CRAMP1: variants seen among roughly 807,000 people sequenced by gnomAD.
CRAMP1 encodes cramped chromatin regulator 1.
CRAMP1 carries 50 observed loss-of-function variants against 115.4 expected under a neutral mutation model. That is an observed-to-expected ratio of 0.43 (90% CI 0.35 to 0.55). The LOEUF is 0.55. Among genes scored for constraint, CRAMP1 ranks in the 20% least tolerant of loss-of-function variants. The probability of loss-of-function intolerance (pLI) is 0.01; values close to 1 mark genes in which losing one functional copy is unlikely to be tolerated. For synonymous variants in CRAMP1, 866 were observed against 745.4 expected (o/e 1.16, Z -2.64); for missense variants, 1,679 against 1,721.7 (o/e 0.98, Z 0.44).
chr16:1,667,993 C>G lies in CRAMP1; in HGVS notation c.3134C>G (p.Pro1045Arg). The change falls in exon 18 of 21, where the codon CCC becomes CGC. Residue 1045 changes from proline to arginine, a missense_variant. Physicochemically the swap from Pro to Arg is moderately radical, Grantham distance 103. Transcript: ENST00000397412. ...GSSVLSLSEL[P>R]KAPLQNGLSI... ...TCTGTTCTCTCCTTATCTGAGCTGC[C>G]CAAGGCCCCTCTCCAGAATGGCCTC... 1 of 1,613,036 alleles carries G rather than the reference C, an allele frequency of 6.2e-7. No homozygotes were observed. Among genetic ancestry groups the G allele is most frequent in the Non-Finnish European group, 8.5e-7 (1 of 1,179,510 alleles).
intron 19 of CRAMP1, among the ~76,000 whole-genome samples, chr16:1,670,158 C>T (rs1391461277): frequency 2.0e-5 from 3 of 151,512 alleles, no homozygotes; most frequent in Non-Finnish European, 4.4e-5. Context: ...CCCAGCAACT[C>T]GGGAGGCTGA....
chr16:1,626,352 T>C (rs1004573571), intron 3 of CRAMP1, among the ~76,000 whole-genome samples, 186 bp downstream of exon 3: 2 of 152,202 alleles, frequency 1.3e-5, no homozygotes, highest in East Asian at 3.9e-4. Context: ...TATCTCCTCA[T>C]TGAGATTTTA....
chr16:1,651,481 G>C (rs1234320736), intron 6 of CRAMP1, among the ~76,000 whole-genome samples: 5 of 149,356 alleles, frequency 3.3e-5, no homozygotes, highest in Non-Finnish European at 7.4e-5. Context: ...TCACACACAG[G>C]TCATCTAGAG....
intron 2 of CRAMP1, among the ~76,000 whole-genome samples, chr16:1,622,533 C>G (rs565999072): frequency 6.6e-6 from 1 of 152,272 alleles, no homozygotes; most frequent in South Asian, 2.1e-4. Context: ...AAAAGCACTC[C>G]AAGTCTAGAA....
intron 11 of CRAMP1, among the ~76,000 whole-genome samples, chr16:1,661,790 C>T (rs369788107): frequency 1.3e-5 from 2 of 151,988 alleles, no homozygotes; most frequent in African/African-American, 2.4e-5. Flanking sequence ...GACAGGGTTT[C>T]GCTATGTTGG....
At chr16:1,667,285 G>C (rs2142207510) in intron 16 of CRAMP1, 50 bp from the exon 17 acceptor site, 1 of 1,487,086 alleles carries the variant, frequency 6.7e-7, no homozygotes, top group African/African-American at 1.4e-5. Context: ...GAGGGTATGG[G>C]TGGCATCTGG....
chr16:1,614,761 A>G lies in CRAMP1; in HGVS notation c.122A>G (p.Glu41Gly). 1 of 1,365,466 alleles carries G rather than the reference A, an allele frequency of 7.3e-7. No individual in the cohort carries two copies. The highest frequency in any genetic ancestry group is 9.5e-7 in the Non-Finnish European group (1 of 1,047,474). The allele number at this position is 1,365,466 out of a possible 1,614,324, so 84.6% of individuals were successfully genotyped here. A position where few individuals can be genotyped will look rare whatever the true frequency, so the allele number is the denominator to read the frequency against. Residue 41 changes from glutamate to glycine, a missense_variant, in exon 2 of 21, where the codon GAG (glutamate) becomes GGG (glycine). Physicochemically the swap from Glu to Gly is moderately conservative, Grantham distance 98. Coordinates refer to ENST00000397412, the MANE Select transcript of CRAMP1 (RefSeq NM_020825.4). This position sits in a 1 kb window ranked among gnomAD's most constrained non-coding sequence, Gnocchi z 4.4. ...EGAGGADAAE[E>G]SSGTKRDEKT... ...GCCGGCGGCGCAGACGCGGCCGAGG[A>G]GAGCAGCGGCACAAAGAGGGACGAG... is the stretch of plus-strand genomic sequence containing the variant.
At chr16:1,668,301 T>C (rs903292269) in intron 18 of CRAMP1, 108 bp downstream of exon 18, 2 of 880,062 alleles carry the variant, frequency 2.3e-6, no homozygotes, top group African/African-American at 1.6e-5. Context: ...TTTTTACGAA[T>C]TGAAAACCTG....
chr16:1,634,291 A>G (rs541659508), intron 4 of CRAMP1, among the ~76,000 whole-genome samples: 10 of 152,348 alleles, frequency 6.6e-5, no homozygotes, highest in African/African-American at 2.4e-4. Context: ...TGAGGTTCAA[A>G]TGCACATTCT....
rs79999346 is a variant in CRAMP1, at chr16:1,630,163, T to G, written c.541-2049T>G. Among the ~76,000 whole-genome samples the G allele has an allele frequency of 2.9e-3, 444 of 152,320 alleles. 2 individuals carry two copies. The highest frequency in any genetic ancestry group is 9.3e-3 in the African/African-American group (387 of 41,574). On this transcript the variant is annotated intron_variant, in intron 3 of 20. Transcript: ENST00000397412. ...TTTTTTTGATTTAAAAAACATCTTT[T>G]TTTGAGAGTCAGTCTTGCTTTGTCA...
intron 6 of CRAMP1, among the ~76,000 whole-genome samples, chr16:1,648,570 A>C (rs2036696051): frequency 6.6e-6 from 1 of 151,096 alleles, no homozygotes; most frequent in Non-Finnish European, 1.5e-5. Flanking sequence ...GCACCGCTGC[A>C]CTCCAGGCTG....
intron 4 of CRAMP1, among the ~76,000 whole-genome samples, chr16:1,633,994 C>T (rs866080006): frequency 5.9e-5 from 9 of 151,644 alleles, no homozygotes; most frequent in Middle Eastern, 3.4e-3. Flanking sequence ...CACCACTGCA[C>T]TCCAGCTTGG....
In CRAMP1 at chr16:1,656,524, C is replaced by T. The variant is rs113314538; in HGVS notation, c.1767C>T (p.Pro589=). 146 of 1,561,304 alleles carry T rather than the reference C, an allele frequency of 9.4e-5. 1 individual carries two copies. In the African/African-American group the frequency reaches 1.7e-3, roughly 18 times the overall value. ...ACACACGGCCTGGGAGCGAGCAGCCCCCTCTGGGCGGGGCGGCCTCCCCAG... is the reference window on the plus strand; with the variant it reads ...ACACACGGCCTGGGAGCGAGCAGCCTCCTCTGGGCGGGGCGGCCTCCCCAG... The part of the protein sequence containing the change: ...CADTRPGSEQ[P]PLGGAASPEV... The change falls in exon 10 of 21, where the codon CCC becomes CCT. Residue 589 remains proline (P), a synonymous_variant. Transcript: ENST00000397412. This position sits in a 1 kb window ranked among gnomAD's most constrained non-coding sequence, Gnocchi z 5.6.
In CRAMP1 at chr16:1,666,114, G is replaced by A; in HGVS notation, c.2794G>A (p.Ala932Thr). 6.2e-7 allele frequency: 1 copy of A among 1,612,640 alleles called. No individual in the cohort carries two copies. The highest frequency in any genetic ancestry group is 8.5e-7 in the Non-Finnish European group (1 of 1,179,416). ...GCCCATCCAGTCTTCTCTGACCAAA[G>A]CAGCTCTGTCTCGGCCGATCGTGCC... ...FRPIQSSLTK[A>T]ALSRPIVPKV... Residue 932 changes from alanine to threonine, a missense_variant, in exon 15 of 21, where the codon GCA becomes ACA. By Grantham distance (58) the Ala-to-Thr change is moderately conservative. This residue lies in a region of CRAMP1 where 709 missense variants were observed against 741.9 expected (regional missense o/e 0.96). Transcript: ENST00000397412. The surrounding 1 kb of genome is among the most constrained non-coding windows in gnomAD (Gnocchi z 5.0).
At chr16:1,620,619 T>C in intron 2 of CRAMP1, 1 of 457,026 alleles carries the variant, frequency 2.2e-6, no homozygotes, top group Admixed American at 2.3e-5. Context: ...GGCTTCTGCG[T>C]CTGACCTCTC....
Position 1,656,505 on chromosome 16 carries a change from G to C in CRAMP1, c.1748G>C (p.Arg583Pro). 1 of 1,568,628 alleles carries C rather than the reference G, an allele frequency of 6.4e-7. No homozygotes were observed. The highest frequency in any genetic ancestry group is 8.6e-7 in the Non-Finnish European group (1 of 1,157,586). Residue 583 changes from arginine to proline, a missense_variant, in exon 10 of 21, where the codon CGG becomes CCG. Physicochemically the swap from Arg to Pro is moderately radical, Grantham distance 103 (BLOSUM62 -2). Around this residue, in one of 8 missense-constraint regions of CRAMP1, gnomAD observed 405 missense variants for 302.6 expected, o/e 1.34. Transcript: ENST00000397412. This position sits in a 1 kb window ranked among gnomAD's most constrained non-coding sequence, Gnocchi z 5.6. ...GAGCAGTGCCGCTGTGCGGACACACGGCCTGGGAGCGAGCAGCCCCCTCTG... is the reference window on the plus strand; with the variant it reads ...GAGCAGTGCCGCTGTGCGGACACACCGCCTGGGAGCGAGCAGCCCCCTCTG... ...VPEQCRCADTRPGSEQPPLGG... is the reference protein window; with the variant it reads ...VPEQCRCADTPPGSEQPPLGG...
At chr16:1,643,877 C>T (rs1321023783) in intron 6 of CRAMP1, among the ~76,000 whole-genome samples, 3 of 152,256 alleles carry the variant, frequency 2.0e-5, no homozygotes, top group Non-Finnish European at 4.4e-5. Context: ...TGCTGTGCTC[C>T]TGCAGTGGAG....
At position 1,614,410 on chromosome 16, in the gene CRAMP1, G is replaced by A. The variant is rs1318367478; in HGVS notation, c.-1-229G>A. On this transcript the variant is annotated intron_variant, in intron 1 of 20. Coordinates refer to ENST00000397412, the MANE Select transcript of CRAMP1 (RefSeq NM_020825.4). The surrounding 1 kb of genome is among the most constrained non-coding windows in gnomAD (Gnocchi z 4.4). ...GTCTGGACGCGAGCCTCGGCCAGGG[G>A]GCGTCCGGGGAGGCCCGGGAGGGTC... 6.9e-6 allele frequency among the ~76,000 whole-genome samples: 1 copy of A among 145,308 alleles called. No homozygotes were observed. The highest frequency in any genetic ancestry group is 1.5e-5 in the Non-Finnish European group (1 of 65,286).
In CRAMP1 at chr16:1,669,487, C is replaced by A. The variant is rs1421168662; in HGVS notation, c.3499+322C>A. 6.6e-6 allele frequency among the ~76,000 whole-genome samples: 1 copy of A among 152,168 alleles called. No individual in the cohort carries two copies. The highest frequency in any genetic ancestry group is 1.5e-5 in the Non-Finnish European group (1 of 68,040). On this transcript the variant is annotated intron_variant, in intron 19 of 20. Coordinates refer to ENST00000397412, the MANE Select transcript of CRAMP1 (RefSeq NM_020825.4). This position sits in a 1 kb window ranked among gnomAD's most constrained non-coding sequence, Gnocchi z 4.6. Reference sequence around the variant, plus strand: ...TCCCAGTCTGTTCAGCTAGCCCGGCCCCTCCCGACTGGGTTCTCTTGAGGG... The same window carrying A: ...TCCCAGTCTGTTCAGCTAGCCCGGCACCTCCCGACTGGGTTCTCTTGAGGG...
Sources: gnomAD v4.1 joint callset for allele counts (sites outside exome capture counted in the v4.1 genomes callset) on GRCh38, gnomAD v4.1.1 for gene constraint, gnomAD v4.1.1 regional missense constraint, Gnocchi (gnomAD v3.1) non-coding constraint, MANE v1.5 for transcripts, NCBI Gene and HGNC (gene_info 2026-07-23, HGNC 2026-07-21) for gene names.